SLX4IP: variants seen among roughly 807,000 people sequenced by gnomAD.
The protein encoded by SLX4IP is protein SLX4IP.
SLX4IP carries 34 observed loss-of-function variants against 32.9 expected under a neutral mutation model. The observed-to-expected ratio is 1.03, with a 90% CI of 0.79 to 1.38. SLX4IP has a LOEUF of 1.38. SLX4IP is among the 40% of genes most tolerant of loss of function. The pLI, the probability that SLX4IP is intolerant of heterozygous loss-of-function variation, is 0.00. For synonymous variants in SLX4IP, 172 were observed against 171.7 expected (o/e 1.00, Z -0.01); for missense variants, 444 against 479.0 (o/e 0.93, Z 0.68).
chr20:10,571,722 G>C (rs2066468508), intron 4 of SLX4IP, among the ~76,000 whole-genome samples: 1 of 152,172 alleles, frequency 6.6e-6, no homozygotes, highest in Non-Finnish European at 1.5e-5. Context: ...GCCTGTCAGA[G>C]CACAAGTGTT....
At chr20:10,582,840 G>A (rs1025926536) in intron 4 of SLX4IP, among the ~76,000 whole-genome samples, 7 of 152,062 alleles carry the variant, frequency 4.6e-5, no homozygotes, top group African/African-American at 1.7e-4. Context: ...TATTTTCAGG[G>A]TTAGGAAATT....
intron 1 of SLX4IP, among the ~76,000 whole-genome samples, chr20:10,439,831 A>T (rs960957465): frequency 6.6e-6 from 1 of 152,186 alleles, no homozygotes; most frequent in Non-Finnish European, 1.5e-5. Flanking sequence ...CAAAGTAGAG[A>T]TCTATAAAGC....
intron 2 of SLX4IP, among the ~76,000 whole-genome samples, chr20:10,460,170 A>G (rs576484789): frequency 1.3e-5 from 2 of 152,306 alleles, no homozygotes; most frequent in South Asian, 4.1e-4. Flanking sequence ...CCCTAGAAAG[A>G]TATTTGGTTG....
intron 2 of SLX4IP, among the ~76,000 whole-genome samples, chr20:10,524,681 T>C (rs529966256): frequency 3.9e-5 from 6 of 152,344 alleles, no homozygotes; most frequent in African/African-American, 1.4e-4. Flanking sequence ...AGCTGAGTGT[T>C]GTATGTACAG....
intron 2 of SLX4IP, among the ~76,000 whole-genome samples, chr20:10,537,505 GT>G (rs561655721): frequency 7.2e-5 from 11 of 152,170 alleles, no homozygotes; most frequent in Non-Finnish European, 1.6e-4. Context: ...AATCCATTAG[GT>G]TGCAGTTTGG....
intron 2 of SLX4IP, among the ~76,000 whole-genome samples, chr20:10,536,540 G>T (rs2066046550): frequency 6.6e-6 from 1 of 152,198 alleles, no homozygotes; most frequent in African/African-American, 2.4e-5. Flanking sequence ...TCAGAAGCCA[G>T]CAGTTCTGCA....
intron 2 of SLX4IP, among the ~76,000 whole-genome samples, chr20:10,514,341 A>T (rs1480482473): frequency 6.6e-6 from 1 of 152,154 alleles, no homozygotes; most frequent in East Asian, 1.9e-4. Context: ...AAATGAGAGG[A>T]TGTTTCCTGT....
intron 1 of SLX4IP, among the ~76,000 whole-genome samples, chr20:10,449,337 T>C (rs2065224588): frequency 6.6e-6 from 1 of 152,230 alleles, no homozygotes; most frequent in Admixed American, 6.5e-5. Context: ...TAGAGTTTCT[T>C]TCTTTCTTTG....
chr20:10,569,841 C>T (rs1172534605), intron 4 of SLX4IP, among the ~76,000 whole-genome samples: 1 of 152,134 alleles, frequency 6.6e-6, no homozygotes, highest in African/African-American at 2.4e-5. Flanking sequence ...ATGAGGATGC[C>T]AGTTACATTG....
intron 2 of SLX4IP, among the ~76,000 whole-genome samples, chr20:10,536,132 A>G (rs1341144981): frequency 2.6e-5 from 4 of 152,208 alleles, no homozygotes; most frequent in Non-Finnish European, 5.9e-5. Flanking sequence ...TACTATTTAC[A>G]TAATAGTTCT....
intron 2 of SLX4IP, among the ~76,000 whole-genome samples, chr20:10,469,079 A>G (rs927754983): frequency 3.9e-5 from 6 of 152,214 alleles, no homozygotes; most frequent in African/African-American, 9.6e-5. Flanking sequence ...GAAAGTTTAC[A>G]CATTTGTGTT....
intron 4 of SLX4IP, among the ~76,000 whole-genome samples, chr20:10,568,007 A>G (rs2066416198): frequency 6.6e-6 from 1 of 152,218 alleles, no homozygotes. Flanking sequence ...AAACACACAG[A>G]CATACTCATT....
intron 4 of SLX4IP, among the ~76,000 whole-genome samples, chr20:10,573,952 A>G (rs569119762): frequency 6.6e-6 from 1 of 152,250 alleles, no homozygotes; most frequent in Non-Finnish European, 1.5e-5. Flanking sequence ...TGCAATTTCA[A>G]CAAAGATTAT....
chr20:10,446,066 T>G (rs1383401641), intron 1 of SLX4IP, among the ~76,000 whole-genome samples: 4 of 151,764 alleles, frequency 2.6e-5, no homozygotes, highest in African/African-American at 9.7e-5. Context: ...TGTTTAACCA[T>G]TCACACGTTG....
intron 1 of SLX4IP, among the ~76,000 whole-genome samples, chr20:10,438,329 T>C (rs1394134861): frequency 1.3e-5 from 2 of 151,834 alleles, no homozygotes; most frequent in Non-Finnish European, 2.9e-5. Context: ...AGTGAAACCA[T>C]CACCTCATCA....
chr20:10,588,123 C>G (rs887633302), intron 4 of SLX4IP, among the ~76,000 whole-genome samples: 6 of 151,502 alleles, frequency 4.0e-5, no homozygotes, highest in African/African-American at 1.5e-4. Flanking sequence ...ACTCATACAA[C>G]TCAATAGCAA....
chr20:10,500,330 T>C (rs2065706847), intron 2 of SLX4IP, among the ~76,000 whole-genome samples: 1 of 152,034 alleles, frequency 6.6e-6, no homozygotes, highest in African/African-American at 2.4e-5. Context: ...GGTTTCACCA[T>C]GTTTGCCAGG....
At chr20:10,551,368 G>A (rs959493511) in intron 2 of SLX4IP, among the ~76,000 whole-genome samples, 3 of 152,214 alleles carry the variant, frequency 2.0e-5, no homozygotes, top group Non-Finnish European at 2.9e-5. Flanking sequence ...TGATGTATCA[G>A]TGCACTGGGC....
In SLX4IP at chr20:10,490,078, C is replaced by T. The variant is rs6039985; in HGVS notation, c.27+31847C>T. 7.6e-3 allele frequency among the ~76,000 whole-genome samples: 1,157 copies of T among 152,166 alleles called. 15 individuals are homozygous for T. The highest frequency in any genetic ancestry group is 0.026 in the African/African-American group (1,091 of 41,492). On this transcript the variant is annotated intron_variant, in intron 2 of 7. Coordinates refer to ENST00000334534, the MANE Select transcript of SLX4IP (RefSeq NM_001009608.3). ...TCACCTGTATGGATTATGAATGACACACCTTGGAAAAACTCTATCACCATG... is the reference window on the plus strand; with the variant it reads ...TCACCTGTATGGATTATGAATGACATACCTTGGAAAAACTCTATCACCATG...
Sources: allele counts gnomAD v4.1 joint callset (sites outside exome capture counted in the v4.1 genomes callset), GRCh38; gene constraint gnomAD v4.1.1; transcripts MANE v1.5; gene names NCBI Gene and HGNC (gene_info 2026-07-23, HGNC 2026-07-21).